The following IPO11 variants were observed in gnomAD, a reference collection of about 807,000 sequenced individuals.
The protein encoded by IPO11 is importin-11.
IPO11 carries 66 observed loss-of-function variants against 143.2 expected under a neutral mutation model. The ratio of observed to expected loss-of-function variants is 0.46; its 90% confidence interval spans 0.38 to 0.57. IPO11 has a LOEUF of 0.57. Among genes scored for constraint, IPO11 ranks in the 20% least tolerant of loss-of-function variants. The pLI is 0.00. For missense variants in IPO11, 1,026 were observed against 1,141.0 expected (o/e 0.90, Z 1.45); for synonymous variants, 385 against 377.8 (o/e 1.02, Z -0.22).
At chr5:62,488,380 G>A (rs956608085) in intron 13 of IPO11, among the ~76,000 whole-genome samples, 17 of 152,104 alleles carry the variant, frequency 1.1e-4, no homozygotes, top group Admixed American at 9.8e-4. Context: ...CGTCTGTTTT[G>A]TTTATATTTT....
At position 62,513,266 on chromosome 5, in the gene IPO11, A is replaced by AC. The variant is rs1422815278; in HGVS notation, c.1783-2115dup. 1.2e-3 allele frequency among the ~76,000 whole-genome samples: 160 copies of AC among 134,688 alleles called. No homozygotes were observed. The Middle Eastern group carries it at 0.014, about 11-fold the overall frequency. The allele number at this position is 134,688 out of a possible 152,430, so 88.4% of individuals were successfully genotyped here. ...GGGCGGGTGGCCGGGCGGGGGGCTG[A>AC]CCCCCCCACCTCCCTCCCGGACGGG... On this transcript the variant is annotated intron_variant, in intron 19 of 29. Transcript: ENST00000325324.
intron 14 of IPO11, 78 bp from the exon 15 acceptor site, chr5:62,490,037 T>C: frequency 1.4e-6 from 1 of 692,854 alleles, no homozygotes; most frequent in Non-Finnish European, 2.3e-6. Flanking sequence ...TTTCCTTTAA[T>C]TAACATATGT....
chr5:62,575,262 A>G, intron 27 of IPO11, among the ~76,000 whole-genome samples: 1 of 152,178 alleles, frequency 6.6e-6, no homozygotes, highest in Non-Finnish European at 1.5e-5. Context: ...CTTTACCCAG[A>G]ATCACCTGTT....
intron 1 of IPO11, among the ~76,000 whole-genome samples, chr5:62,414,397 C>CTGTG: frequency 6.6e-6 from 1 of 151,956 alleles, no homozygotes; most frequent in Middle Eastern, 3.4e-3. Context: ...ATATTTGTAC[C>CTGTG]TGTGTGTGTG....
At chr5:62,607,872 C>A (rs1394864704) in intron 29 of IPO11, among the ~76,000 whole-genome samples, 1 of 151,236 alleles carries the variant, frequency 6.6e-6, no homozygotes, top group Admixed American at 6.6e-5. Flanking sequence ...CAGCTCACTG[C>A]AACCTGCTAT....
chr5:62,576,663 G>GT (rs34937052), intron 27 of IPO11, among the ~76,000 whole-genome samples: 14,840 of 152,156 alleles, frequency 0.098, 799 homozygotes, highest in East Asian at 0.14. Flanking sequence ...TGCACCTGCA[G>GT]TCCTAGCTAC....
At chr5:62,437,465 A>G (rs1416758891) in intron 2 of IPO11, 48 bp downstream of exon 2, 2 of 1,525,928 alleles carry the variant, frequency 1.3e-6, no homozygotes, top group South Asian at 1.2e-5. Context: ...AAAATGAGAC[A>G]ACATTAATTT....
chr5:62,571,397 A>G (rs940755819), intron 27 of IPO11, among the ~76,000 whole-genome samples: 4 of 152,328 alleles, frequency 2.6e-5, no homozygotes, highest in Non-Finnish European at 4.4e-5. Flanking sequence ...GCTTATTATG[A>G]TAAATTGGAG....
intron 1 of IPO11, among the ~76,000 whole-genome samples, chr5:62,423,532 C>T (rs1743590943): frequency 6.6e-6 from 1 of 152,184 alleles, no homozygotes; most frequent in Admixed American, 6.5e-5. Context: ...TGATGTCTAC[C>T]ATGAACAGCA....
At position 62,601,744 on chromosome 5, in the gene IPO11, T is replaced by C. The variant is rs1745515201; in HGVS notation, c.2679-20T>C. On this transcript the variant is annotated intron_variant, in intron 28 of 29. Transcript: ENST00000325324. Reference sequence around the variant, plus strand: ...ATAGACATTTTTATTTAAAACATGTTTTTTAAAAAATTATTATAGCTGTAT... The same window carrying C: ...ATAGACATTTTTATTTAAAACATGTCTTTTAAAAAATTATTATAGCTGTAT... 4 of 1,395,350 alleles carry C rather than the reference T, an allele frequency of 2.9e-6. No individual in the cohort carries two copies. The South Asian group carries it at 6.0e-5, about 21-fold the overall frequency. 86.4% of individuals were successfully genotyped at this position (1,395,350 alleles called of 1,614,324 possible).
chr5:62,438,624 C>T (rs1236419794), intron 2 of IPO11, among the ~76,000 whole-genome samples: 3 of 151,712 alleles, frequency 2.0e-5, no homozygotes, highest in East Asian at 3.9e-4. Flanking sequence ...TGGTGGCGCA[C>T]GCCTGTAGTC....
At chr5:62,497,176 C>G (rs747436132) in intron 16 of IPO11, among the ~76,000 whole-genome samples, 26 of 152,138 alleles carry the variant, frequency 1.7e-4, no homozygotes, top group Non-Finnish European at 2.9e-4. Flanking sequence ...CTGGCTGTGA[C>G]GGAGTAGAAG....
chr5:62,507,286 A>G (rs1024999574), intron 19 of IPO11, among the ~76,000 whole-genome samples: 1 of 152,206 alleles, frequency 6.6e-6, no homozygotes, highest in Admixed American at 6.5e-5. Flanking sequence ...AGTCACTGTT[A>G]ATCATTTGAA....
At chr5:62,505,254 A>G (rs1274687541) in intron 18 of IPO11, among the ~76,000 whole-genome samples, 2 of 151,836 alleles carry the variant, frequency 1.3e-5, no homozygotes, top group African/African-American at 2.4e-5. Context: ...TTGCATTTGT[A>G]TATCTTTATC....
rs143001657 is a variant in IPO11, at chr5:62,584,952, A to G, written c.2583-6625A>G. 3.3e-5 allele frequency among the ~76,000 whole-genome samples: 5 copies of G among 152,270 alleles called. No homozygotes were observed. The East Asian group carries it at 9.6e-4, about 29-fold the overall frequency. On this transcript the variant is annotated intron_variant, in intron 27 of 29. Coordinates refer to ENST00000325324, the MANE Select transcript of IPO11 (RefSeq NM_016338.5). ...TTTCATTGCTTCTGACTCAATTCCAAGATACCTTGTGATAGAGGACATTTT... is the reference window on the plus strand; with the variant it reads ...TTTCATTGCTTCTGACTCAATTCCAGGATACCTTGTGATAGAGGACATTTT...
rs550849083 is a variant in IPO11, at chr5:62,510,263, G to A, written c.1782+3906G>A. 3.9e-5 allele frequency among the ~76,000 whole-genome samples: 6 copies of A among 152,252 alleles called. No homozygotes were observed. In the South Asian group the frequency reaches 1.2e-3, roughly 32 times the overall value. ...TCTTATTCAGAATTTTATATGGACA[G>A]TATTTTTTCTTTCACCTCTTTTCAT... On this transcript the variant is annotated intron_variant, in intron 19 of 29. Transcript: ENST00000325324.
At position 62,561,275 on chromosome 5, in the gene IPO11, T is replaced by C; in HGVS notation, c.2582+18T>C. ...GATAATAGGTGAGGAAATGTTTTCT[T>C]AAAATTTGTTTCTTTCAAGCATCAA... On this transcript the variant is annotated intron_variant, in intron 27 of 29. Coordinates refer to ENST00000325324, the MANE Select transcript of IPO11 (RefSeq NM_016338.5). 7.1e-7 allele frequency: 1 copy of C among 1,406,700 alleles called. No homozygotes were observed. The highest frequency in any genetic ancestry group is 1.3e-5 in the South Asian group (1 of 75,578). The allele number at this position is 1,406,700 out of a possible 1,614,324, so 87.1% of individuals were successfully genotyped here.
At chr5:62,426,165 T>A (rs1743734089) in intron 1 of IPO11, among the ~76,000 whole-genome samples, 1 of 152,274 alleles carries the variant, frequency 6.6e-6, no homozygotes, top group Non-Finnish European at 1.5e-5. Context: ...GGCGGGTGGA[T>A]CACCTGAGGT....
intron 3 of IPO11, among the ~76,000 whole-genome samples, chr5:62,446,405 C>T (rs1454910133): frequency 6.6e-6 from 1 of 152,156 alleles, no homozygotes; most frequent in African/African-American, 2.4e-5. Flanking sequence ...GTTGCACTTC[C>T]ACAGCAACAT....
Sources: allele counts gnomAD v4.1 joint callset (sites outside exome capture counted in the v4.1 genomes callset), GRCh38; gene constraint gnomAD v4.1.1; transcripts MANE v1.5; gene names NCBI Gene and HGNC (gene_info 2026-07-23, HGNC 2026-07-21).